Variants in EXOC2 observed in about 807,000 individuals in gnomAD.
EXOC2 encodes exocyst complex component 2.
A neutral mutation model predicts 131.8 loss-of-function variants in EXOC2; 70 were observed. The observed-to-expected ratio is 0.53, with a 90% confidence interval of 0.44 to 0.65. The LOEUF (loss-of-function observed/expected upper bound fraction) is 0.65. Among genes scored for constraint, EXOC2 ranks in the 30% least tolerant of loss-of-function variants. The pLI, the probability that EXOC2 is intolerant of heterozygous loss-of-function variation, is 0.00. For missense variants in EXOC2, 923 were observed against 1,108.6 expected (o/e 0.83, Z 2.38); for synonymous variants, 411 against 398.4 (o/e 1.03, Z -0.38).
chr6:658,629 AATATATATATATATTTT>A (rs1215559666), intron 1 of EXOC2, among the ~76,000 whole-genome samples: 7 of 119,922 alleles, frequency 5.8e-5, no homozygotes, highest in African/African-American at 1.6e-4. Flanking sequence ...GGATATTTAA[AATATATATATATATTTT>A]ATATATATAT....
chr6:577,327 C>A (rs1362687044), intron 11 of EXOC2, among the ~76,000 whole-genome samples: 1 of 152,188 alleles, frequency 6.6e-6, no homozygotes, highest in Non-Finnish European at 1.5e-5. Context: ...TATGGCGTTT[C>A]TTGATGCCAG....
intron 22 of EXOC2, among the ~76,000 whole-genome samples, chr6:544,278 C>T (rs1324026938): frequency 6.6e-6 from 1 of 152,180 alleles, no homozygotes; most frequent in Non-Finnish European, 1.5e-5. Context: ...CAGGTACTTT[C>T]TGTATTGGGG....
chr6:632,945 T>A lies in EXOC2; in HGVS notation c.291A>T (p.Lys97Asn). 1 of 1,604,646 alleles carries A rather than the reference T, an allele frequency of 6.2e-7. No individual in the cohort carries two copies. The highest frequency in any genetic ancestry group is 8.5e-7 in the Non-Finnish European group (1 of 1,175,866). ...TAAACCCATGAAAGACTTTACCTAT[T>A]TTCTCAGGTTTGAGTAGCTTGAAAG... ...TVSFKLLKPE[K>N]IGILDQSAVW... The change falls in exon 3 of 28, where the codon AAA becomes AAT. Residue 97 changes from lysine to asparagine, a missense_variant. By Grantham distance (94) the Lys-to-Asn change is moderately conservative. Transcript: ENST00000230449.
chr6:502,058 G>A (rs1439092091), intron 23 of EXOC2, among the ~76,000 whole-genome samples: 1 of 152,108 alleles, frequency 6.6e-6, no homozygotes, highest in Non-Finnish European at 1.5e-5. Context: ...ATACCCTCTG[G>A]GCAGCCCCAC....
At chr6:684,219 A>G (rs1246517562) in intron 1 of EXOC2, among the ~76,000 whole-genome samples, 1 of 152,020 alleles carries the variant, frequency 6.6e-6, no homozygotes, top group East Asian at 1.9e-4. Flanking sequence ...GGGGGAGGGG[A>G]GACAGGAGAG....
chr6:605,647 A>G (rs1175747082), intron 7 of EXOC2, among the ~76,000 whole-genome samples: 1 of 152,186 alleles, frequency 6.6e-6, no homozygotes, highest in Admixed American at 6.5e-5. Flanking sequence ...TCTTTTCAAA[A>G]GCCAGCTCCT....
chr6:590,510 TA>T (rs1478670327), intron 11 of EXOC2, among the ~76,000 whole-genome samples: 1 of 152,192 alleles, frequency 6.6e-6, no homozygotes, highest in African/African-American at 2.4e-5. Flanking sequence ...GCTCTCCTGT[TA>T]CAGCTCCTGA....
rs1355720208 is a variant in EXOC2, at chr6:599,221, T to C, written c.747A>G (p.Ala249=). 4 of 1,556,516 alleles carry C rather than the reference T, an allele frequency of 2.6e-6. No homozygotes were observed. Among genetic ancestry groups the C allele is most frequent in the Non-Finnish European group, 3.5e-6 (4 of 1,150,308 alleles). Residue 249 remains alanine, a synonymous_variant, in exon 8 of 28, where the codon GCA becomes GCG. Coordinates refer to ENST00000230449, the MANE Select transcript of EXOC2 (RefSeq NM_018303.6). ...GAAACAATGTGTCTGCAGTATTACTTGCTCCTGTTTTAAAAAGAGGAAAGG... is the reference window on the plus strand; with the variant it reads ...GAAACAATGTGTCTGCAGTATTACTCGCTCCTGTTTTAAAAAGAGGAAAGG... ...TQKLENVLNR[A]SNTADTLFQE... is the part of the protein sequence containing the mutation.
At chr6:532,736 G>T in intron 22 of EXOC2, 126 bp from the exon 23 acceptor site, 1 of 914,324 alleles carries the variant, frequency 1.1e-6, no homozygotes. Flanking sequence ...AAAAACTCGT[G>T]ACTTTTATAT....
chr6:562,558 T>C (rs1157203874), intron 17 of EXOC2, among the ~76,000 whole-genome samples: 1 of 152,244 alleles, frequency 6.6e-6, no homozygotes, highest in African/African-American at 2.4e-5. Flanking sequence ...TCGTAAGTTA[T>C]ACAGGATGAA....
intron 1 of EXOC2, among the ~76,000 whole-genome samples, chr6:677,523 C>G (rs1764200329): frequency 6.6e-6 from 1 of 152,038 alleles, no homozygotes; most frequent in Admixed American, 6.6e-5. Flanking sequence ...TTATTTTATC[C>G]AGGTACTTAA....
chr6:564,891 A>G lies in EXOC2; in HGVS notation c.1482T>C (p.Asn494=), dbSNP rs1339864767. 2.5e-6 allele frequency: 4 copies of G among 1,612,926 alleles called. No individual in the cohort carries two copies. The highest frequency in any genetic ancestry group is 2.5e-6 in the Non-Finnish European group (3 of 1,179,640). ...TAAAATCATTTTGTCTTTGCCTTAC[A>G]TTCTTTGATCTTTCAATCTGGCCTG... ...EKSGQIERSK[N]VRQRQNDFKK... is the part of the protein sequence containing the mutation. The change falls in exon 14 of 28, where the codon AAT becomes AAC. Residue 494 remains asparagine, a synonymous_variant. Transcript: ENST00000230449.
At chr6:511,258 C>T (rs189247001) in intron 23 of EXOC2, among the ~76,000 whole-genome samples, 10 of 152,152 alleles carry the variant, frequency 6.6e-5, no homozygotes, top group South Asian at 4.1e-4. Context: ...CCGTGGAGCA[C>T]GGGAAAGAAG....
Position 486,737 on chromosome 6 carries a change from G to A in EXOC2, c.2709C>T (p.Phe903=), listed in dbSNP as rs777255366. Residue 903 remains phenylalanine, a synonymous_variant, in exon 28 of 28, where the codon TTC becomes TTT. Coordinates refer to ENST00000230449, the MANE Select transcript of EXOC2 (RefSeq NM_018303.6). Reference sequence around the variant, plus strand: ...TGAGCTGCAAGTGCATGCTACTCTTGAACTTGTTCAGGAGCTCTTCCAGTA... The same window carrying A: ...TGAGCTGCAAGTGCATGCTACTCTTAAACTTGTTCAGGAGCTCTTCCAGTA... ...KKLLEELLNK[F]KSSMHLQLTC... The A allele has an allele frequency of 6.2e-7, 1 of 1,614,116 alleles. No homozygotes were observed. The highest frequency in any genetic ancestry group is 1.7e-5 in the Admixed American group (1 of 60,016).
chr6:567,718 C>T (rs775856125), intron 13 of EXOC2, among the ~76,000 whole-genome samples: 3 of 151,996 alleles, frequency 2.0e-5, no homozygotes, highest in Non-Finnish European at 2.9e-5. Context: ...GTGTATATTA[C>T]GTGTGCATGC....
At chr6:567,666 GTGTTGTGTGTC>G (rs1325468823) in intron 13 of EXOC2, among the ~76,000 whole-genome samples, 1 of 152,024 alleles carries the variant, frequency 6.6e-6, no homozygotes, top group Non-Finnish European at 1.5e-5. Flanking sequence ...TGTACATGAT[GTGTTGTGTGTC>G]TGTTGTGTGT....
chr6:610,174 G>C lies in EXOC2; in HGVS notation c.666C>G (p.Ile222Met). The change falls in exon 7 of 28, where the codon ATC (isoleucine) becomes ATG (methionine). Residue 222 changes from isoleucine to methionine, a missense_variant. Physicochemically the swap from Ile to Met is conservative, Grantham distance 10. Coordinates refer to ENST00000230449, the MANE Select transcript of EXOC2 (RefSeq NM_018303.6). ...TTCCATCTGCTTCTAGTTTTTGATGGATGGCTAGAAAAAAAAATCTAGTTA... is the reference window on the plus strand; with the variant it reads ...TTCCATCTGCTTCTAGTTTTTGATGCATGGCTAGAAAAAAAAATCTAGTTA... ...FFEAQDALSA[I>M]HQKLEADGTE... is the part of the protein sequence containing the mutation. The C allele has an allele frequency of 9.9e-6, 16 of 1,613,432 alleles. No homozygotes were observed. Among genetic ancestry groups the C allele is most frequent in the African/African-American group, 1.3e-5 (1 of 74,902 alleles).
chr6:586,495 C>T (rs1386341108), intron 11 of EXOC2, among the ~76,000 whole-genome samples: 1 of 152,132 alleles, frequency 6.6e-6, no homozygotes, highest in African/African-American at 2.4e-5. Context: ...GTAAAATTTC[C>T]TTAATAGAAT....
intron 22 of EXOC2, among the ~76,000 whole-genome samples, chr6:535,712 T>C (rs1766402894): frequency 6.6e-6 from 1 of 152,196 alleles, no homozygotes. Context: ...CATTTGTGAC[T>C]CTACCAAGCA....
Sources: gnomAD v4.1 joint callset for allele counts (sites outside exome capture counted in the v4.1 genomes callset) on GRCh38, gnomAD v4.1.1 for gene constraint, MANE v1.5 for transcripts, NCBI Gene and HGNC (gene_info 2026-07-23, HGNC 2026-07-21) for gene names.